The following NTSR1 variants were observed in gnomAD, a reference collection of about 807,000 sequenced individuals.
The protein encoded by NTSR1 is neurotensin receptor 1, also known as neurotensin receptor type 1.
Under a neutral mutation model 31.2 loss-of-function variants are expected in NTSR1, and 29 were observed. That is an observed-to-expected ratio of 0.93 (90% CI 0.69 to 1.27). The LOEUF (loss-of-function observed/expected upper bound fraction) is 1.27, where lower values mean the gene tolerates loss of function less well. Among genes scored for constraint, NTSR1 ranks in the 50% most tolerant of loss-of-function variants. The pLI is 0.00. For synonymous variants in NTSR1, 282 were observed against 269.9 expected (o/e 1.04, Z -0.44); for missense variants, 697 against 595.4 (o/e 1.17, Z -1.78).
intron 1 of NTSR1, among the ~76,000 whole-genome samples, chr20:62,750,408 C>T (rs1313118175): frequency 4.6e-5 from 7 of 152,046 alleles, no homozygotes; most frequent in African/African-American, 9.7e-5. Context: ...TACTGCATTG[C>T]GGCCGGGCGT....
intron 1 of NTSR1, among the ~76,000 whole-genome samples, chr20:62,730,529 T>C (rs896783748): frequency 1.3e-4 from 20 of 152,242 alleles, no homozygotes; most frequent in Non-Finnish European, 2.8e-4. Context: ...TTGGCATTTA[T>C]GAAGAAGGCT....
intron 1 of NTSR1, among the ~76,000 whole-genome samples, chr20:62,739,416 G>C (rs900093132): frequency 6.6e-6 from 1 of 152,248 alleles, no homozygotes; most frequent in African/African-American, 2.4e-5. Context: ...AAGCACAAAG[G>C]GTGGAGATCT....
At position 62,758,006 on chromosome 20, in the gene NTSR1, C is replaced by T. The variant is rs1989541694; in HGVS notation, c.917-260C>T. 6.6e-6 allele frequency among the ~76,000 whole-genome samples: 1 copy of T among 151,372 alleles called. No homozygotes were observed. The highest frequency in any genetic ancestry group is 2.4e-5 in the African/African-American group (1 of 41,028). Reference sequence around the variant, plus strand: ...GTGCAGTGGGTCTCTGAGCCCACGTCTCTGTGCCTCAGGTGCAGTGGGTCT... The same window carrying T: ...GTGCAGTGGGTCTCTGAGCCCACGTTTCTGTGCCTCAGGTGCAGTGGGTCT... On this transcript the variant is annotated intron_variant, in intron 2 of 3. Transcript: ENST00000370501. The surrounding 1 kb of genome is among the most constrained non-coding windows in gnomAD (Gnocchi z 4.5).
chr20:62,736,032 T>C (rs1005307519), intron 1 of NTSR1, among the ~76,000 whole-genome samples: 6 of 152,356 alleles, frequency 3.9e-5, no homozygotes, highest in African/African-American at 1.4e-4. Context: ...TTTAAATTTG[T>C]CAATTTTCAT....
intron 1 of NTSR1, among the ~76,000 whole-genome samples, chr20:62,716,830 G>A (rs986144351): frequency 6.6e-6 from 1 of 152,234 alleles, no homozygotes; most frequent in Admixed American, 6.5e-5. Context: ...AGGGGGGCAC[G>A]GAGGGGAATA....
At chr20:62,755,235 C>T (rs1052802634) in intron 2 of NTSR1, among the ~76,000 whole-genome samples, 1 of 127,594 alleles carries the variant, frequency 7.8e-6, no homozygotes, top group African/African-American at 2.9e-5. Context: ...CTCCCTCCTT[C>T]CCTCCATTCA....
chr20:62,736,914 T>C (rs1989105666), intron 1 of NTSR1, among the ~76,000 whole-genome samples: 1 of 152,074 alleles, frequency 6.6e-6, no homozygotes. Flanking sequence ...GATCTGATGG[T>C]TTTAGAAGCG....
In NTSR1 at chr20:62,711,047, C is replaced by T. The variant is rs891912993; in HGVS notation, c.714+1126C>T. ...GGCACCCCGCGTATGCCAGTATGCC[C>T]GGTGGGGGTGAGGGCAGCAGTGCCG... On this transcript the variant is annotated intron_variant, in intron 1 of 3. Transcript: ENST00000370501. This position sits in a 1 kb window ranked among gnomAD's most constrained non-coding sequence, Gnocchi z 6.4. Among the ~76,000 whole-genome samples, 4 of 152,174 alleles carry T rather than the reference C, an allele frequency of 2.6e-5. No individual in the cohort carries two copies. The highest frequency in any genetic ancestry group is 1.9e-4 in the East Asian group (1 of 5,184).
chr20:62,749,748 C>T (rs1329333389), intron 1 of NTSR1, among the ~76,000 whole-genome samples: 1 of 152,138 alleles, frequency 6.6e-6, no homozygotes. Context: ...AGTGAGCTAT[C>T]ACTGTACACC....
chr20:62,751,324 G>C (rs1230813390), intron 1 of NTSR1, among the ~76,000 whole-genome samples: 1 of 152,202 alleles, frequency 6.6e-6, no homozygotes, highest in Non-Finnish European at 1.5e-5. Flanking sequence ...TTACCATGTG[G>C]AATTTTTTTG....
At chr20:62,759,731 C>T (rs1394289230) in intron 3 of NTSR1, among the ~76,000 whole-genome samples, 17 of 147,092 alleles carry the variant, frequency 1.2e-4, no homozygotes, top group African/African-American at 4.3e-4. Context: ...GCCGAGATCG[C>T]GCCACTGTAC....
In NTSR1 at chr20:62,709,862, G is replaced by A. The variant is rs930067057; in HGVS notation, c.655G>A (p.Ala219Thr). The A allele has an allele frequency of 4.4e-6, 7 of 1,607,682 alleles. No homozygotes were observed. In the East Asian group the frequency reaches 9.0e-5, roughly 21 times the overall value. The change falls in exon 1 of 4, where the codon GCC (alanine) becomes ACC (threonine). Residue 219 changes from alanine to threonine, a missense_variant. Physicochemically the swap from Ala to Thr is moderately conservative, Grantham distance 58 (BLOSUM62 0). Transcript: ENST00000370501. ...GAACCGCAGCGCCGACGGCCAGCAC[G>A]CCGGCGGCCTGGTGTGCACCCCCAC... ...EQNRSADGQH[A>T]GGLVCTPTIH...
Position 62,745,520 on chromosome 20 carries a change from A to G in NTSR1, c.715-9165A>G, listed in dbSNP as rs567345204. The stretch of plus-strand genomic sequence containing the variant: ...GAGACAGACACAGGAAAACAGTGAA[A>G]GACAGAGACACAGAGGAAAACACAC... On this transcript the variant is annotated intron_variant, in intron 1 of 3. Transcript: ENST00000370501. The surrounding 1 kb of genome is among the most constrained non-coding windows in gnomAD (Gnocchi z 4.1). 2.5e-4 allele frequency among the ~76,000 whole-genome samples: 38 copies of G among 152,334 alleles called. No individual in the cohort carries two copies. The Middle Eastern group carries it at 0.01, about 41-fold the overall frequency.
rs112227510 is a variant in NTSR1, at chr20:62,722,018, G to A, written c.714+12097G>A. Among the ~76,000 whole-genome samples, 472 of 151,750 alleles carry A rather than the reference G, an allele frequency of 3.1e-3. 5 individuals are homozygous for A. Among genetic ancestry groups the A allele is most frequent in the African/African-American group, 0.011 (445 of 41,364 alleles). On this transcript the variant is annotated intron_variant, in intron 1 of 3. Coordinates refer to ENST00000370501, the MANE Select transcript of NTSR1 (RefSeq NM_002531.3). ...GTTTCAATGGACTCATTTTTTTCTT[G>A]TCAATGGGTCACATTTTACTTTCTT... is the stretch of plus-strand genomic sequence containing the variant.
chr20:62,758,301 C>A lies in NTSR1; in HGVS notation c.952C>A (p.Pro318Thr). ...CATCGCCTTTGTGGTCTGCTGGCTG[C>A]CCTACCACGTGCGGCGCCTCATGTT... ...VVIAFVVCWLPYHVRRLMFCY... is the reference protein window; with the variant it reads ...VVIAFVVCWLTYHVRRLMFCY... The change falls in exon 3 of 4, where the codon CCC (proline) becomes ACC (threonine). Residue 318 changes from proline (P) to threonine (T), a missense_variant. Pro to Thr is a conservative substitution (Grantham distance 38). Coordinates refer to ENST00000370501, the MANE Select transcript of NTSR1 (RefSeq NM_002531.3). This position sits in a 1 kb window ranked among gnomAD's most constrained non-coding sequence, Gnocchi z 4.5. 1 of 1,613,756 alleles carries A rather than the reference C, an allele frequency of 6.2e-7. No homozygotes were observed. The highest frequency in any genetic ancestry group is 8.5e-7 in the Non-Finnish European group (1 of 1,179,976).
At chr20:62,736,173 G>T (rs1989088574) in intron 1 of NTSR1, among the ~76,000 whole-genome samples, 1 of 152,192 alleles carries the variant, frequency 6.6e-6, no homozygotes, top group South Asian at 2.1e-4. Context: ...GGAGCCTGGG[G>T]TGCCTCGGGC....
chr20:62,720,954 T>G (rs1483100455), intron 1 of NTSR1, among the ~76,000 whole-genome samples: 2 of 152,332 alleles, frequency 1.3e-5, no homozygotes, highest in East Asian at 3.9e-4. Flanking sequence ...ATTACTTTTT[T>G]ATCCATTTCT....
intron 1 of NTSR1, among the ~76,000 whole-genome samples, chr20:62,740,452 A>C (rs1448925941): frequency 6.6e-6 from 1 of 150,626 alleles, no homozygotes; most frequent in Non-Finnish European, 1.5e-5. Flanking sequence ...CAGATCTTAC[A>C]AGCCGTGCAG....
chr20:62,760,592 G>C lies in NTSR1; in HGVS notation c.*325G>C. On this transcript the variant is annotated 3_prime_UTR_variant, in exon 4 of 4. Transcript: ENST00000370501. Reference sequence around the variant, plus strand: ...CAAAAGGCAGTTTTCTTTGTTCTCAGACTAATGGATGGTTCCAGAGAAGGA... The same window carrying C: ...CAAAAGGCAGTTTTCTTTGTTCTCACACTAATGGATGGTTCCAGAGAAGGA... 3.5e-6 allele frequency: 1 copy of C among 287,434 alleles called. No homozygotes were observed. Among genetic ancestry groups the C allele is most frequent in the Non-Finnish European group, 6.6e-6 (1 of 151,734 alleles). The allele number at this position is 287,434 out of a possible 1,614,324, so 17.8% of individuals were successfully genotyped here.
Sources: gnomAD v4.1 joint callset for allele counts (sites outside exome capture counted in the v4.1 genomes callset) on GRCh38, gnomAD v4.1.1 for gene constraint, Gnocchi (gnomAD v3.1) non-coding constraint, MANE v1.5 for transcripts, NCBI Gene and HGNC (gene_info 2026-07-23, HGNC 2026-07-21) for gene names.